SLC25A18: variants seen among roughly 807,000 people sequenced by gnomAD.
SLC25A18 encodes solute carrier family 25 member 18.
In SLC25A18, 24 loss-of-function variants were observed where a neutral mutation model predicts 31.1. The observed-to-expected ratio is 0.77, with a 90% CI of 0.56 to 1.08. The LOEUF (loss-of-function observed/expected upper bound fraction) is 1.08. SLC25A18 is among the 50% of genes least tolerant of loss of function. SLC25A18 has a pLI of 0.00. For missense variants in SLC25A18, 371 were observed against 418.5 expected, an observed-to-expected ratio of 0.89 and a Z score of 0.99; for synonymous variants, 173 against 161.9, an observed-to-expected ratio of 1.07 and a Z score of -0.52.
chr22:17,589,791 C>T (rs751950600), intron 10 of SLC25A18, 126 bp downstream of exon 10: 6 of 893,046 alleles, frequency 6.7e-6, no homozygotes, highest in African/African-American at 1.7e-5. Context: ...CTGTCTTTCC[C>T]TCACCTCTCA....
At chr22:17,576,365 GAAAAA>G (rs905605176) in intron 2 of SLC25A18, among the ~76,000 whole-genome samples, 3 of 145,730 alleles carry the variant, frequency 2.1e-5, no homozygotes, top group Admixed American at 2.1e-4. Context: ...AAAAAAAAAA[GAAAAA>G]AAAAAGAAGT....
At position 17,586,856 on chromosome 22, in the gene SLC25A18, C is replaced by T. The variant is rs190701381; in HGVS notation, c.410-280C>T. Among the ~76,000 whole-genome samples, 442 of 152,252 alleles carry T rather than the reference C, an allele frequency of 2.9e-3. 9 individuals carry two copies. Among genetic ancestry groups the T allele is most frequent in the Admixed American group, 0.028 (425 of 15,290 alleles). ...TTAATGGGAGGGTAAGGAATGGAGC[C>T]CTAAGGAACGTGGCGGAGAAGCAAG... On this transcript the variant is annotated intron_variant, in intron 7 of 10. Coordinates refer to ENST00000327451, the MANE Select transcript of SLC25A18 (RefSeq NM_031481.3).
In SLC25A18 at chr22:17,565,954, A is replaced by G. The variant is rs11089188; in HGVS notation, c.-264+2241A>G. Among the ~76,000 whole-genome samples, 901 of 152,186 alleles carry G rather than the reference A, an allele frequency of 5.9e-3. 7 individuals are homozygous for G. Among genetic ancestry groups the G allele is most frequent in the African/African-American group, 0.02 (817 of 41,534 alleles). Reference sequence around the variant, plus strand: ...GTGATCCTCCCACCTCAGCCTCCCAAAGCACAAGGATTACAGGCGTGAGCC... The same window carrying G: ...GTGATCCTCCCACCTCAGCCTCCCAGAGCACAAGGATTACAGGCGTGAGCC... On this transcript the variant is annotated intron_variant, in intron 1 of 10. Coordinates refer to ENST00000327451, the MANE Select transcript of SLC25A18 (RefSeq NM_031481.3).
chr22:17,584,448 A>AAG (rs1555951483), intron 7 of SLC25A18, among the ~76,000 whole-genome samples: 4,809 of 116,024 alleles, frequency 0.041, 184 homozygotes, highest in African/African-American at 0.11. Context: ...GGAAGGAAGG[A>AAG]GAGAGAGAGA....
intron 5 of SLC25A18, 91 bp from the exon 6 acceptor site, chr22:17,582,472 A>G: frequency 9.3e-7 from 1 of 1,073,228 alleles, no homozygotes. Flanking sequence ...CCCTTCACTC[A>G]GGGACTGGCC....
At position 17,564,926 on chromosome 22, in the gene SLC25A18, TAGCCAG is replaced by T. The variant is rs1417594358; in HGVS notation, c.-264+1214_-264+1219del. 4.6e-4 allele frequency among the ~76,000 whole-genome samples: 70 copies of T among 151,522 alleles called. 2 individuals are homozygous for T. The East Asian group carries it at 0.01, about 22-fold the overall frequency. On this transcript the variant is annotated intron_variant, in intron 1 of 10. Transcript: ENST00000327451. ...TCTACAAAAAAATAATTGTTTTAAT[TAGCCAG>T]GTTGATGGTGTGCACCTGTGATCCC... is the stretch of plus-strand genomic sequence containing the variant.
intron 2 of SLC25A18, among the ~76,000 whole-genome samples, chr22:17,576,021 C>T (rs2057220521): frequency 6.6e-6 from 1 of 152,080 alleles, no homozygotes; most frequent in South Asian, 2.1e-4. Context: ...ATCTTTTCTA[C>T]CCCAATACCC....
chr22:17,574,515 T>C (rs2057176748), intron 2 of SLC25A18, among the ~76,000 whole-genome samples: 1 of 138,540 alleles, frequency 7.2e-6, no homozygotes, highest in Admixed American at 7.8e-5. Flanking sequence ...TTATTCTTTT[T>C]TTTTTTTATT....
rs115008400 is a variant in SLC25A18, at chr22:17,575,877, C to T, written c.-200-3868C>T. Among the ~76,000 whole-genome samples the T allele has an allele frequency of 2.9e-3, 443 of 152,318 alleles. 4 individuals are homozygous for T. Among genetic ancestry groups the T allele is most frequent in the African/African-American group, 9.2e-3 (384 of 41,570 alleles). ...AGTGCACAGTGACACAATGTCATGGCCAGATGCTGCATCCCAAGGCGGTGA... is the reference window on the plus strand; with the variant it reads ...AGTGCACAGTGACACAATGTCATGGTCAGATGCTGCATCCCAAGGCGGTGA... On this transcript the variant is annotated intron_variant, in intron 2 of 10. Transcript: ENST00000327451.
chr22:17,571,834 C>T (rs2052081082), intron 2 of SLC25A18, among the ~76,000 whole-genome samples: 3 of 151,362 alleles, frequency 2.0e-5, no homozygotes, highest in South Asian at 2.1e-4. Flanking sequence ...CCCTGGCCAA[C>T]ATGGTGAAAC....
rs1237889410 is a variant in SLC25A18 at position 17,589,673 on chromosome 22, C to A, written c.806+8C>A. 1 of 1,613,788 alleles carries A rather than the reference C, an allele frequency of 6.2e-7. No homozygotes were observed. Among genetic ancestry groups the A allele is most frequent in the East Asian group, 2.2e-5 (1 of 44,870 alleles). On this transcript the variant is annotated splice_region_variant and intron_variant, in intron 10 of 10. Transcript: ENST00000327451. The stretch of plus-strand genomic sequence containing the variant: ...GATCACCGACTGTGCCAGGTGAGAG[C>A]CAGTGTCCCCTCAAATGGTGGCTGG...
rs1033077507 is a variant in SLC25A18 at position 17,589,224 on chromosome 22, A to C, written c.731-366A>C. On this transcript the variant is annotated intron_variant, in intron 9 of 10. Coordinates refer to ENST00000327451, the MANE Select transcript of SLC25A18 (RefSeq NM_031481.3). ...GAGATGGAGTCTTGCTCTGTTGCCC[A>C]GGCTGGAGTGCAGTGGTACAATCTC... 1.8e-5 allele frequency: 3 copies of C among 162,284 alleles called. No homozygotes were observed. The Admixed American group carries it at 1.9e-4, about 10-fold the overall frequency. 10.1% of individuals were successfully genotyped at this position (162,284 alleles called of 1,614,324 possible).
chr22:17,568,848 ACC>A (rs2057012314), intron 1 of SLC25A18, among the ~76,000 whole-genome samples: 1 of 151,724 alleles, frequency 6.6e-6, no homozygotes, highest in African/African-American at 2.4e-5. Context: ...GGCGTGAGCA[ACC>A]GTGCCCGGCC....
intron 2 of SLC25A18, among the ~76,000 whole-genome samples, chr22:17,575,332 G>A (rs1224630059): frequency 6.6e-6 from 1 of 152,132 alleles, no homozygotes; most frequent in Non-Finnish European, 1.5e-5. Context: ...ACTATCTTAA[G>A]ACAATAAGTC....
At chr22:17,564,905 C>CA (rs1367767867) in intron 1 of SLC25A18, among the ~76,000 whole-genome samples, 5 of 150,438 alleles carry the variant, frequency 3.3e-5, no homozygotes, top group South Asian at 2.1e-4. Flanking sequence ...CCCACCTCTA[C>CA]AAAAAAATAA....
chr22:17,584,469 G>GAGAGAGAGAGAGAGAGAGAA (rs1555951532), intron 7 of SLC25A18, among the ~76,000 whole-genome samples: 2 of 121,688 alleles, frequency 1.6e-5, no homozygotes, highest in African/African-American at 7.5e-5. Context: ...GAGAGAGAGA[G>GAGAGAGAGAGAGAGAGAGAA]AGAAAGAAAG....
intron 2 of SLC25A18, among the ~76,000 whole-genome samples, chr22:17,572,970 G>A (rs180742031): frequency 3.4e-4 from 52 of 152,116 alleles, no homozygotes; most frequent in Admixed American, 1.2e-3. Context: ...AAAATTAACC[G>A]GGCGTGATGG....
At chr22:17,577,269 G>A (rs557120926) in intron 2 of SLC25A18, among the ~76,000 whole-genome samples, 4 of 152,194 alleles carry the variant, frequency 2.6e-5, no homozygotes, top group South Asian at 2.1e-4. Context: ...TGATCCGCCC[G>A]CCTCAGCCTC....
intron 1 of SLC25A18, among the ~76,000 whole-genome samples, chr22:17,565,580 A>T (rs936068477): frequency 7.9e-5 from 12 of 151,258 alleles, no homozygotes; most frequent in South Asian, 2.1e-4. Context: ...TTTTAAAAAA[A>T]TTTTTGGACA....
Sources: allele counts gnomAD v4.1 joint callset (sites outside exome capture counted in the v4.1 genomes callset), GRCh38; gene constraint gnomAD v4.1.1; transcripts MANE v1.5; gene names NCBI Gene and HGNC (gene_info 2026-07-23, HGNC 2026-07-21).